SCN8A: variants seen among roughly 807,000 people sequenced by gnomAD.
SCN8A encodes sodium channel protein type 8 subunit alpha.
Under a neutral mutation model 184.1 loss-of-function variants are expected in SCN8A, and 30 were observed. The ratio of observed to expected loss-of-function variants is 0.16; its 90% CI spans 0.12 to 0.22. The LOEUF (loss-of-function observed/expected upper bound fraction) is 0.22. Ranked by LOEUF, SCN8A falls within the 10% of genes least tolerant of loss-of-function variation. The pLI is 1.00. For synonymous variants in SCN8A, 852 were observed against 907.0 expected (o/e 0.94, Z 1.09); for missense variants, 1,057 against 2,498.9 (o/e 0.42, Z 12.30).
At chr12:51,607,170 T>A (rs1336982647) in intron 1 of SCN8A, among the ~76,000 whole-genome samples, 2 of 152,340 alleles carry the variant, frequency 1.3e-5, no homozygotes, top group East Asian at 3.9e-4. Flanking sequence ...GTTCTGGGAT[T>A]ACAGGCGTGA....
chr12:51,780,071 T>G, intron 20 of SCN8A: 2 of 296,160 alleles, frequency 6.8e-6, no homozygotes, highest in Admixed American at 4.0e-5. Flanking sequence ...ACGCATCAGA[T>G]TCTCAAACAA....
At chr12:51,632,024 G>C (rs1274643299) in intron 1 of SCN8A, among the ~76,000 whole-genome samples, 3 of 152,144 alleles carry the variant, frequency 2.0e-5, no homozygotes, top group Non-Finnish European at 4.4e-5. Flanking sequence ...AAGTAAAACA[G>C]ATAAGAACAG....
At chr12:51,642,022 A>G (rs979270133) in intron 1 of SCN8A, among the ~76,000 whole-genome samples, 1 of 152,164 alleles carries the variant, frequency 6.6e-6, no homozygotes, top group Non-Finnish European at 1.5e-5. Context: ...TTTTGCCCGC[A>G]TTGTATACTA....
intron 26 of SCN8A, among the ~76,000 whole-genome samples, chr12:51,801,938 C>G (rs1222079329): frequency 6.6e-6 from 1 of 152,100 alleles, no homozygotes; most frequent in Non-Finnish European, 1.5e-5. Flanking sequence ...ACCTGTAACC[C>G]CAGCTACTCC....
chr12:51,709,539 G>A (rs1384717538), intron 11 of SCN8A, among the ~76,000 whole-genome samples: 1 of 152,200 alleles, frequency 6.6e-6, no homozygotes, highest in African/African-American at 2.4e-5. Context: ...TGCTTAGTGA[G>A]CTCAGAATTG....
intron 2 of SCN8A, among the ~76,000 whole-genome samples, chr12:51,674,350 A>G (rs992430653): frequency 1.3e-5 from 2 of 150,586 alleles, no homozygotes; most frequent in African/African-American, 4.9e-5. Context: ...TTTTTTTTTG[A>G]GAGAGAGAGT....
chr12:51,706,140 C>T (rs1941779602), intron 10 of SCN8A, among the ~76,000 whole-genome samples: 1 of 152,126 alleles, frequency 6.6e-6, no homozygotes, highest in South Asian at 2.1e-4. Flanking sequence ...GCATTCATTT[C>T]CAGACTTGCT....
intron 20 of SCN8A, among the ~76,000 whole-genome samples, chr12:51,774,798 A>G (rs1400254230): frequency 1.3e-5 from 2 of 152,148 alleles, no homozygotes; most frequent in African/African-American, 4.8e-5. Context: ...CCTGCTGACC[A>G]TTCCCATGAA....
Position 51,645,221 on chromosome 12 carries a change from G to A in SCN8A, c.-54-17543G>A, listed in dbSNP as rs574659273. Among the ~76,000 whole-genome samples the A allele has an allele frequency of 9.5e-3, 1,321 of 139,764 alleles. 14 individuals carry two copies. Among genetic ancestry groups the A allele is most frequent in the African/African-American group, 0.033 (1,185 of 36,416 alleles). 91.7% of individuals were successfully genotyped at this position (139,764 alleles called of 152,430 possible). A position where few individuals can be genotyped will look rare whatever the true frequency, so the allele number is the denominator to read the frequency against. Reference sequence around the variant, plus strand: ...AGGGAGGTGGGGGGGTCAGCCCCCCGCCCGGCCAGCCGCCCCATCCGGGAA... The same window carrying A: ...AGGGAGGTGGGGGGGTCAGCCCCCCACCCGGCCAGCCGCCCCATCCGGGAA... On this transcript the variant is annotated intron_variant, in intron 1 of 26. Coordinates refer to ENST00000627620, the MANE Select transcript of SCN8A (RefSeq NM_001330260.2).
At chr12:51,757,964 CTG>C (rs1047887111) in intron 14 of SCN8A, among the ~76,000 whole-genome samples, 1 of 152,138 alleles carries the variant, frequency 6.6e-6, no homozygotes, top group African/African-American at 2.4e-5. Flanking sequence ...GAAATTAAAA[CTG>C]AGAAAATTTC....
chr12:51,705,568 A>T lies in SCN8A; in HGVS notation c.1286A>T (p.Glu429Val), dbSNP rs1941770110. 6.2e-7 allele frequency: 1 copy of T among 1,614,002 alleles called. No homozygotes were observed. Among genetic ancestry groups the T allele is most frequent in the Non-Finnish European group, 8.5e-7 (1 of 1,179,868 alleles). Reference protein sequence around the residue: ...QATLEEAEQKEAEFKAMLEQL... With the variant: ...QATLEEAEQKVAEFKAMLEQL... ...ACACTGGAGGAGGCAGAACAAAAAGAGGCTGAATTTAAAGCAATGTTGGAG... is the reference window on the plus strand; with the variant it reads ...ACACTGGAGGAGGCAGAACAAAAAGTGGCTGAATTTAAAGCAATGTTGGAG... The change falls in exon 10 of 27, where the codon GAG becomes GTG. Residue 429 changes from glutamate (E) to valine (V), a missense_variant. Physicochemically the swap from Glu to Val is moderately radical, Grantham distance 121. Around this residue, in one of 19 missense-constraint regions of SCN8A, gnomAD observed 27 missense variants for 150.1 expected, o/e 0.18. Coordinates refer to ENST00000627620, the MANE Select transcript of SCN8A (RefSeq NM_001330260.2).
chr12:51,801,041 C>G (rs182767039), intron 26 of SCN8A, among the ~76,000 whole-genome samples: 1 of 152,124 alleles, frequency 6.6e-6, no homozygotes, highest in Admixed American at 6.5e-5. Context: ...GTCCACTTGA[C>G]CTGGAAGTTT....
chr12:51,702,321 CAAAAAAAAA>C (rs747855764), intron 8 of SCN8A, among the ~76,000 whole-genome samples: 35 of 76,602 alleles, frequency 4.6e-4, no homozygotes, highest in Non-Finnish European at 8.2e-4. Context: ...GACTCTGTAT[CAAAAAAAAA>C]AAAAAAAAAA....
At chr12:51,715,730 A>G (rs1381193660) in intron 11 of SCN8A, among the ~76,000 whole-genome samples, 1 of 151,804 alleles carries the variant, frequency 6.6e-6, no homozygotes, top group Non-Finnish European at 1.5e-5. Flanking sequence ...CCTCTTTCCT[A>G]ATGTGAAGGC....
In SCN8A at chr12:51,706,527, C is replaced by T. The variant is rs775328249; in HGVS notation, c.1447C>T (p.Leu483Phe). The change falls in exon 11 of 27, where the codon CTC becomes TTC. Residue 483 changes from leucine (L) to phenylalanine (F), a missense_variant. Coordinates refer to ENST00000627620, the MANE Select transcript of SCN8A (RefSeq NM_001330260.2). ...TCGGAGCTCTTCTGAAATCTCTAAA[C>T]TCAGCTCAAAGAGTGCAAAGGAAAG... ...SPRSSSEISKLSSKSAKERRN... is the reference protein window; with the variant it reads ...SPRSSSEISKFSSKSAKERRN... 5.0e-6 allele frequency: 8 copies of T among 1,605,652 alleles called. No individual in the cohort carries two copies. The highest frequency in any genetic ancestry group is 6.8e-6 in the Non-Finnish European group (8 of 1,176,114).
At chr12:51,689,126 T>G (rs771713986) in intron 6 of SCN8A, 30 bp downstream of exon 6, 2 of 1,494,732 alleles carry the variant, frequency 1.3e-6, no homozygotes, top group African/African-American at 2.8e-5. Flanking sequence ...AGACTGACTT[T>G]GCCACATCTC....
chr12:51,808,383 A>G lies in SCN8A; in HGVS notation c.*954A>G, dbSNP rs1038681488. ...GTGTATATGTTTAACAGACATCTCT[A>G]ACATACAGCCATTGTTGCACATTTT... On this transcript the variant is annotated 3_prime_UTR_variant, in exon 27 of 27. Transcript: ENST00000627620. 2.6e-5 allele frequency: 4 copies of G among 152,758 alleles called. No homozygotes were observed. Among genetic ancestry groups the G allele is most frequent in the Admixed American group, 2.0e-4 (3 of 15,306 alleles). 9.5% of individuals were successfully genotyped at this position (152,758 alleles called of 1,614,324 possible).
At position 51,642,015 on chromosome 12, in the gene SCN8A, T is replaced by C. The variant is rs1940465902; in HGVS notation, c.-54-20749T>C. 2.0e-5 allele frequency among the ~76,000 whole-genome samples: 3 copies of C among 152,234 alleles called. 1 individual carries two copies. On this transcript the variant is annotated intron_variant, in intron 1 of 26. Transcript: ENST00000627620. ...ACTAGACTTCTTAAAAAGTACTTTT[T>C]GCCCGCATTGTATACTAGTTGTCCT...
chr12:51,612,607 GT>G (rs1737508599), intron 1 of SCN8A, among the ~76,000 whole-genome samples: 1 of 152,006 alleles, frequency 6.6e-6, no homozygotes, highest in Admixed American at 6.6e-5. Context: ...TTTTTTTCTT[GT>G]TTAGTCTGTT....
Sources: allele counts gnomAD v4.1 joint callset (sites outside exome capture counted in the v4.1 genomes callset), GRCh38; gene constraint gnomAD v4.1.1; regional missense constraint gnomAD v4.1.1; transcripts MANE v1.5; gene names NCBI Gene and HGNC (gene_info 2026-07-23, HGNC 2026-07-21).